The following C18orf63 variants were observed in gnomAD, a reference collection of about 807,000 sequenced individuals.
The protein encoded by C18orf63 is chromosome 18 open reading frame 63.
C18orf63 carries 50 observed loss-of-function variants against 75.3 expected under a neutral mutation model. The ratio of observed to expected loss-of-function variants is 0.66; its 90% CI spans 0.53 to 0.84. C18orf63 has a LOEUF of 0.84. C18orf63 is among the 40% of genes least tolerant of loss of function. C18orf63 has a pLI of 0.00. For synonymous variants in C18orf63, 232 were observed against 267.6 expected (o/e 0.87, Z 1.30); for missense variants, 732 against 800.2 (o/e 0.91, Z 1.03).
chr18:74,336,114 T>C (rs564316978), intron 7 of C18orf63, among the ~76,000 whole-genome samples: 35 of 152,126 alleles, frequency 2.3e-4, no homozygotes, highest in Non-Finnish European at 4.1e-4. Flanking sequence ...AATAAGTAAA[T>C]TAAGACACAA....
chr18:74,332,154 A>G (rs1243389688), intron 7 of C18orf63, among the ~76,000 whole-genome samples: 1 of 152,134 alleles, frequency 6.6e-6, no homozygotes, highest in Non-Finnish European at 1.5e-5. Context: ...AAATGAATTT[A>G]TTTATTAAAG....
chr18:74,332,587 C>A (rs1599003906), intron 7 of C18orf63, among the ~76,000 whole-genome samples: 1 of 151,958 alleles, frequency 6.6e-6, no homozygotes, highest in Admixed American at 6.5e-5. Flanking sequence ...CCTGTAATCC[C>A]AGCTACTCGG....
At chr18:74,335,941 G>T (rs566549112) in intron 7 of C18orf63, among the ~76,000 whole-genome samples, 146 of 152,082 alleles carry the variant, frequency 9.6e-4, no homozygotes, top group Non-Finnish European at 1.4e-3. Flanking sequence ...TGCCTCTTTG[G>T]CATGTTAGTT....
intron 11 of C18orf63, among the ~76,000 whole-genome samples, chr18:74,348,541 G>A (rs534568611): frequency 3.9e-5 from 6 of 152,252 alleles, no homozygotes; most frequent in Non-Finnish European, 4.4e-5. Flanking sequence ...TCATATCTAA[G>A]TTCAAGCTTT....
intron 1 of C18orf63, 70 bp downstream of exon 1, chr18:74,316,179 G>C (rs79282284): frequency 0.075 from 11,480 of 152,248 alleles, 474 homozygotes; most frequent in Middle Eastern, 0.11. Context: ...ATGAGGGCAG[G>C]ATCCCGGTGC....
At chr18:74,337,420 C>A (rs2145123968) in intron 7 of C18orf63, among the ~76,000 whole-genome samples, 1 of 152,104 alleles carries the variant, frequency 6.6e-6, no homozygotes, top group South Asian at 2.1e-4. Context: ...AGAAAGTACC[C>A]AGAGGATGTA....
chr18:74,326,691 G>T (rs1441176845), intron 4 of C18orf63, among the ~76,000 whole-genome samples: 1 of 152,112 alleles, frequency 6.6e-6, no homozygotes, highest in East Asian at 1.9e-4. Context: ...ATCTTTTGGG[G>T]ATCACTTTTC....
At chr18:74,316,493 G>A (rs1984027734) in intron 1 of C18orf63, among the ~76,000 whole-genome samples, 1 of 152,154 alleles carries the variant, frequency 6.6e-6, no homozygotes, top group East Asian at 1.9e-4. Context: ...TCGTAGCGGC[G>A]GTCCCGAGGC....
intron 11 of C18orf63, among the ~76,000 whole-genome samples, chr18:74,347,917 G>C (rs1984601288): frequency 6.6e-6 from 1 of 151,998 alleles, no homozygotes; most frequent in Non-Finnish European, 1.5e-5. Flanking sequence ...GGGGGATTTT[G>C]GAACCAATCC....
At position 74,327,825 on chromosome 18, in the gene C18orf63, T is replaced by C. The variant is rs1056519761; in HGVS notation, c.271-122T>C. ...GATTAGCTCTAGCAATGGCTATAAG[T>C]TTTACCTAGAACACCCGAGTTTGTT... On this transcript the variant is annotated intron_variant, in intron 4 of 13. Transcript: ENST00000579455. The C allele has an allele frequency of 4.4e-5, 28 of 631,796 alleles. No homozygotes were observed. In the African/African-American group the frequency reaches 5.1e-4, roughly 12 times the overall value. The allele number at this position is 631,796 out of a possible 1,614,324, so 39.1% of individuals were successfully genotyped here.
At chr18:74,316,636 G>T (rs935583588) in intron 1 of C18orf63, among the ~76,000 whole-genome samples, 2 of 152,144 alleles carry the variant, frequency 1.3e-5, no homozygotes, top group African/African-American at 2.4e-5. Context: ...TGCCCTGCTG[G>T]GGATTGGGAA....
intron 12 of C18orf63, 92 bp downstream of exon 12, chr18:74,354,360 A>G: frequency 7.7e-7 from 1 of 1,291,552 alleles, no homozygotes; most frequent in Non-Finnish European, 1.0e-6. Context: ...AAGATCATTT[A>G]GAACCATACT....
At chr18:74,349,983 T>G (rs188755100) in intron 11 of C18orf63, among the ~76,000 whole-genome samples, 69 of 152,256 alleles carry the variant, frequency 4.5e-4, no homozygotes, top group Non-Finnish European at 7.9e-4. Context: ...CAGGCTTTAG[T>G]CTGTATAGGA....
chr18:74,344,357 A>G (rs528838089), intron 11 of C18orf63, among the ~76,000 whole-genome samples: 2 of 148,482 alleles, frequency 1.3e-5, no homozygotes, highest in Admixed American at 1.3e-4. Context: ...GGTGTTTTCT[A>G]CTGAGTTTGT....
At chr18:74,349,627 T>C (rs1368130031) in intron 11 of C18orf63, among the ~76,000 whole-genome samples, 1 of 152,166 alleles carries the variant, frequency 6.6e-6, no homozygotes, top group Non-Finnish European at 1.5e-5. Flanking sequence ...GAGAATCGAA[T>C]GCCTGATGAT....
chr18:74,339,923 AC>A (rs1223660881), intron 8 of C18orf63, among the ~76,000 whole-genome samples: 2 of 152,210 alleles, frequency 1.3e-5, no homozygotes, highest in African/African-American at 4.8e-5. Context: ...AATAAATTTA[AC>A]AACCAAGGAG....
intron 4 of C18orf63, among the ~76,000 whole-genome samples, chr18:74,326,106 C>T (rs927045903): frequency 6.6e-6 from 1 of 152,158 alleles, no homozygotes; most frequent in Admixed American, 6.5e-5. Flanking sequence ...TGGGTCTGGG[C>T]CCCTGGGGCC....
At chr18:74,344,055 G>A (rs1984531950) in intron 11 of C18orf63, among the ~76,000 whole-genome samples, 2 of 152,066 alleles carry the variant, frequency 1.3e-5, no homozygotes, top group South Asian at 4.1e-4. Flanking sequence ...AAGGTAAGAT[G>A]CCTGCCCCTC....
At chr18:74,319,681 T>C (rs1984087056) in intron 2 of C18orf63, among the ~76,000 whole-genome samples, 1 of 152,178 alleles carries the variant, frequency 6.6e-6, no homozygotes, top group African/African-American at 2.4e-5. Flanking sequence ...GTTTAAGTGG[T>C]TGGTAACTTC....
Sources: allele counts gnomAD v4.1 joint callset (sites outside exome capture counted in the v4.1 genomes callset), GRCh38; gene constraint gnomAD v4.1.1; transcripts MANE v1.5; gene names NCBI Gene and HGNC (gene_info 2026-07-23, HGNC 2026-07-21).